The following ARHGAP12 variants were observed in gnomAD, a reference collection of about 807,000 sequenced individuals.
ARHGAP12 encodes the protein Rho GTPase activating protein 12, also known as rho GTPase-activating protein 12.
ARHGAP12 carries 64 observed loss-of-function variants against 108.6 expected under a neutral mutation model. The observed-to-expected ratio is 0.59, with a 90% CI of 0.48 to 0.73. The LOEUF (loss-of-function observed/expected upper bound fraction) is 0.73. ARHGAP12 is among the 30% of genes least tolerant of loss of function. The probability of loss-of-function intolerance (pLI) is 0.00; values close to 1 mark genes in which losing one functional copy is unlikely to be tolerated. For missense variants in ARHGAP12, 940 were observed against 1,005.9 expected (o/e 0.93, Z 0.89); for synonymous variants, 312 against 337.2 (o/e 0.93, Z 0.82).
chr10:31,816,585 G>A (rs1442935807), intron 13 of ARHGAP12, among the ~76,000 whole-genome samples: 1 of 152,200 alleles, frequency 6.6e-6, no homozygotes, highest in Admixed American at 6.5e-5. Context: ...AGAGCTGAAA[G>A]TCCATATTGG....
rs1222447691 is a variant in ARHGAP12, at chr10:31,843,335, A to C, written c.1296+126T>G. On this transcript the variant is annotated intron_variant, in intron 7 of 19. Transcript: ENST00000344936. ...TACATGCAGATCAAAAGCTTAAATTAGTTCAAAAGAAATCAAATGTTTTAG... is the reference window on the plus strand; with the variant it reads ...TACATGCAGATCAAAAGCTTAAATTCGTTCAAAAGAAATCAAATGTTTTAG... 5.6e-6 allele frequency: 6 copies of C among 1,070,656 alleles called. No homozygotes were observed. In the East Asian group the frequency reaches 1.7e-4, roughly 30 times the overall value. The allele number at this position is 1,070,656 out of a possible 1,614,324, so 66.3% of individuals were successfully genotyped here.
At chr10:31,913,075 A>T (rs1320665173) in intron 1 of ARHGAP12, 1 of 152,266 alleles carries the variant, frequency 6.6e-6, no homozygotes, top group African/African-American at 2.4e-5. Flanking sequence ...AAACAACGCC[A>T]GGGCAAGTGT....
In ARHGAP12 at chr10:31,809,052, T is replaced by G. The variant is rs778108430; in HGVS notation, c.2205A>C (p.Arg735=). ...VITGALKMFF[R]ELPEPLFTFN... ...ATGTAAAAAGAGGTTCTGGTAATTC[T>G]CGAAAAAACATTTTGAGGGCTCCAG... The change falls in exon 18 of 20, where the codon CGA becomes CGC. Residue 735 remains arginine, a synonymous_variant. Coordinates refer to ENST00000344936, the MANE Select transcript of ARHGAP12 (RefSeq NM_018287.7). 8.1e-6 allele frequency: 13 copies of G among 1,609,876 alleles called. No individual in the cohort carries two copies. The South Asian group carries it at 1.3e-4, about 16-fold the overall frequency.
chr10:31,890,357 A>G (rs1382803483), intron 3 of ARHGAP12, among the ~76,000 whole-genome samples: 5 of 152,232 alleles, frequency 3.3e-5, no homozygotes, highest in African/African-American at 1.2e-4. Flanking sequence ...TTGGAACTTC[A>G]AGCATATTTT....
intron 3 of ARHGAP12, among the ~76,000 whole-genome samples, chr10:31,904,618 A>G (rs1839052906): frequency 6.6e-6 from 1 of 152,014 alleles, no homozygotes; most frequent in African/African-American, 2.4e-5. Context: ...GGTACAAGAG[A>G]CCTGTCCAAA....
chr10:31,851,246 T>C (rs1163263328), intron 6 of ARHGAP12, among the ~76,000 whole-genome samples: 4 of 152,170 alleles, frequency 2.6e-5, no homozygotes, highest in South Asian at 2.1e-4. Flanking sequence ...GTTTAAAATA[T>C]GGAATAGTTT....
chr10:31,830,413 A>G (rs1835790908), intron 10 of ARHGAP12, among the ~76,000 whole-genome samples: 1 of 152,196 alleles, frequency 6.6e-6, no homozygotes, highest in Non-Finnish European at 1.5e-5. Flanking sequence ...CATAGGAAAA[A>G]AAACAAAAGC....
intron 3 of ARHGAP12, among the ~76,000 whole-genome samples, chr10:31,892,546 G>A (rs1464222510): frequency 2.0e-5 from 3 of 152,200 alleles, no homozygotes; most frequent in African/African-American, 2.4e-5. Context: ...TCAACAAGAA[G>A]AGCTAACTAT....
intron 3 of ARHGAP12, among the ~76,000 whole-genome samples, chr10:31,870,379 C>T (rs1475302674): frequency 2.0e-5 from 3 of 151,874 alleles, no homozygotes; most frequent in South Asian, 2.1e-4. Flanking sequence ...TACAGGCATG[C>T]GCCACCCCAC....
At chr10:31,900,541 T>C (rs1299066203) in intron 3 of ARHGAP12, among the ~76,000 whole-genome samples, 1 of 152,178 alleles carries the variant, frequency 6.6e-6, no homozygotes, top group African/African-American at 2.4e-5. Flanking sequence ...TGTCAGGCCA[T>C]GAGAAGGCAT....
chr10:31,858,934 C>A (rs567948934), intron 4 of ARHGAP12, among the ~76,000 whole-genome samples: 1 of 152,108 alleles, frequency 6.6e-6, no homozygotes, highest in African/African-American at 2.4e-5. Context: ...GACAAGCTTA[C>A]GGAACAGAAT....
intron 1 of ARHGAP12, among the ~76,000 whole-genome samples, chr10:31,911,304 A>T (rs1839336948): frequency 1.3e-5 from 2 of 152,188 alleles, no homozygotes; most frequent in African/African-American, 4.8e-5. Flanking sequence ...GATTATAGGC[A>T]TGAGCCACCG....
At chr10:31,859,389 T>G (rs1837024012) in intron 4 of ARHGAP12, among the ~76,000 whole-genome samples, 2 of 152,194 alleles carry the variant, frequency 1.3e-5, no homozygotes, top group African/African-American at 4.8e-5. Flanking sequence ...CTCACAATTG[T>G]GAGAGAAAAT....
At chr10:31,926,513 A>G (rs1194019554) in intron 1 of ARHGAP12, among the ~76,000 whole-genome samples, 3 of 152,262 alleles carry the variant, frequency 2.0e-5, no homozygotes, top group Admixed American at 2.0e-4. Flanking sequence ...AATACAGGAC[A>G]AAAGTTTAAT....
rs903679939 is a variant in ARHGAP12, at chr10:31,816,934, C to T, written c.1731+854G>A. On this transcript the variant is annotated intron_variant, in intron 13 of 19. Transcript: ENST00000344936. ...TTCATAACTAATTTGCTAGAAGAGG[C>T]AAAGTTCTCTTTTATTTCCTATCAG... Among the ~76,000 whole-genome samples, 4 of 152,134 alleles carry T rather than the reference C, an allele frequency of 2.6e-5. No homozygotes were observed. The East Asian group carries it at 5.8e-4, about 22-fold the overall frequency.
At chr10:31,872,772 G>A (rs1172096080) in intron 3 of ARHGAP12, among the ~76,000 whole-genome samples, 1 of 152,116 alleles carries the variant, frequency 6.6e-6, no homozygotes, top group Non-Finnish European at 1.5e-5. Flanking sequence ...CCTTGAAAGA[G>A]AACTGTGGCT....
At chr10:31,904,218 T>A (rs1481324473) in intron 3 of ARHGAP12, among the ~76,000 whole-genome samples, 2 of 152,204 alleles carry the variant, frequency 1.3e-5, no homozygotes, top group Admixed American at 6.5e-5. Context: ...TAGATATTCT[T>A]TTATGGATAA....
In ARHGAP12 at chr10:31,817,780, C is replaced by A. The variant is rs12249195; in HGVS notation, c.1731+8G>T. 9.4e-3 allele frequency: 14,687 copies of A among 1,555,700 alleles called. 1,171 individuals carry two copies. The African/African-American group carries it at 0.18, about 19-fold the overall frequency. On this transcript the variant is annotated splice_region_variant and intron_variant, in intron 13 of 19. Coordinates refer to ENST00000344936, the MANE Select transcript of ARHGAP12 (RefSeq NM_018287.7). ...GAAGTAAAAATTTTACCTAAGTCAA[C>A]GACATACCTGATTATTGATTGTACT...
At chr10:31,847,642 A>G (rs563543816) in intron 6 of ARHGAP12, among the ~76,000 whole-genome samples, 15 of 152,206 alleles carry the variant, frequency 9.9e-5, no homozygotes, top group Admixed American at 5.2e-4. Flanking sequence ...TGCTTGGGAT[A>G]GGGTGGGGTG....
Sources: allele counts gnomAD v4.1 joint callset (sites outside exome capture counted in the v4.1 genomes callset), GRCh38; gene constraint gnomAD v4.1.1; transcripts MANE v1.5; gene names NCBI Gene and HGNC (gene_info 2026-07-23, HGNC 2026-07-21).